TTN: variants seen among roughly 807,000 people sequenced by gnomAD.
TTN encodes the protein titin, also known as connectin.
In TTN, 1,525 loss-of-function variants were observed where a neutral mutation model predicts 3,223.0. The observed-to-expected ratio is 0.47, with a 90% CI of 0.45 to 0.49. TTN has a LOEUF of 0.49. TTN is among the 20% of genes least tolerant of loss of function. The pLI is 0.00. For synonymous variants in TTN, 14,094 were observed against 15,161.0 expected (o/e 0.93, Z 5.17); for missense variants, 40,786 against 43,424.0 (o/e 0.94, Z 5.40).
chr2:178,677,776 G>T lies in TTN; in HGVS notation c.34136C>A (p.Pro11379His). Residue 11379 changes from proline (P) to histidine (H), a missense_variant, in exon 146 of 363, where the codon CCT becomes CAT. Coordinates refer to ENST00000589042, the MANE Select transcript of TTN (RefSeq NM_001267550.2). Reference sequence around the variant, plus strand: ...TTCAGGTAGAACTTCCTCTTCTTCAGGTAGAACTTCCTCTTCCTCAGGTAG... The same window carrying T: ...TTCAGGTAGAACTTCCTCTTCTTCATGTAGAACTTCCTCTTCCTCAGGTAG... ...EVLPEEEEVL[P>H]EEEEVLPEEE... The T allele has an allele frequency of 6.2e-7, 1 of 1,612,558 alleles. No homozygotes were observed. The highest frequency in any genetic ancestry group is 2.2e-5 in the East Asian group (1 of 44,844).
chr2:178,684,012 T>C lies in TTN; in HGVS notation c.32793A>G (p.Glu10931=), dbSNP rs1483602431. 1 of 1,606,528 alleles carries C rather than the reference T, an allele frequency of 6.2e-7. No homozygotes were observed. Among genetic ancestry groups the C allele is most frequent in the Admixed American group, 1.7e-5 (1 of 59,030 alleles). Residue 10931 remains glutamate (E), a synonymous_variant, in exon 133 of 363, where the codon GAA becomes GAG. Transcript: ENST00000589042. ...GAGTCAGTATACCTTTAGCTGGTGG[T>C]TCCTCCTCTCTTTTAGGTTTGAGTT... The part of the protein sequence containing the change: ...VLKLKPKREE[E]PPAKVTEFRK...
At chr2:178,711,481 A>G (rs931353963) in intron 96 of TTN, 132 bp from the exon 97 acceptor site, 69 of 1,099,804 alleles carry the variant, frequency 6.3e-5, no homozygotes, top group Non-Finnish European at 7.6e-5. Flanking sequence ...TCTTGAATTA[A>G]CTTGGAGATA....
chr2:178,737,849 A>C, intron 49 of TTN: 1 of 448,312 alleles, frequency 2.2e-6, no homozygotes, highest in Admixed American at 3.9e-5. Flanking sequence ...TTGATTACTT[A>C]ACTTTGTTCT....
In TTN at chr2:178,728,334, G is replaced by C; in HGVS notation, c.19490C>G (p.Ser6497Cys). 4 of 1,611,588 alleles carry C rather than the reference G, an allele frequency of 2.5e-6. No individual in the cohort carries two copies. In the South Asian group the frequency reaches 3.3e-5, roughly 13 times the overall value. The stretch of plus-strand genomic sequence containing the variant: ...AGACACCTTGCACTCCATATGAATA[G>C]AAGAGCCCAGAACTTTATCCATTTT... ...LTKMDKVLGSSIHMECKVSGS... is the reference protein window; with the variant it reads ...LTKMDKVLGSCIHMECKVSGS... The change falls in exon 67 of 363, where the codon TCT becomes TGT. Residue 6497 changes from serine to cysteine, a missense_variant. Transcript: ENST00000589042.
intron 196 of TTN, 54 bp from the exon 197 acceptor site, chr2:178,653,561 A>G: frequency 2.6e-6 from 3 of 1,170,964 alleles, no homozygotes; most frequent in Non-Finnish European, 3.5e-6. Context: ...ATGGAGTAAA[A>G]TATTTCTAAG....
In TTN at chr2:178,629,371, C is replaced by A. The variant is rs757662563; in HGVS notation, c.44354G>T (p.Cys14785Phe). ...VTAGETATFD[C>F]ELSYEDIPVE... ...TGGGATATCTTCGTAGGAGAGCTCG[C>A]AGTCGAAGGTGGCTGTTTCCCCTGC... Residue 14785 changes from cysteine to phenylalanine, a missense_variant, in exon 240 of 363, where the codon TGC (cysteine) becomes TTC (phenylalanine). Coordinates refer to ENST00000589042, the MANE Select transcript of TTN (RefSeq NM_001267550.2). 1.2e-6 allele frequency: 2 copies of A among 1,612,984 alleles called. No homozygotes were observed. The highest frequency in any genetic ancestry group is 4.5e-5 in the East Asian group (2 of 44,654).
rs773951165 is a variant in TTN, at chr2:178,775,980, G to T, written c.5884C>A (p.Gln1962Lys). The change falls in exon 28 of 363, where the codon CAA becomes AAA. Residue 1962 changes from glutamine (Q) to lysine (K), a missense_variant. Transcript: ENST00000589042. ...GTGTCAACAGGTCTATCCACTTTTT[G>T]TACTTCAAACTGAAGCTTTCCTGGT... ...HEPGKLQFEV[Q>K]KVDRPVDTTE... 1.4e-5 allele frequency: 22 copies of T among 1,613,938 alleles called. No individual in the cohort carries two copies. The highest frequency in any genetic ancestry group is 1.9e-5 in the Non-Finnish European group (22 of 1,179,998).
rs931568272 is a variant in TTN, at chr2:178,650,040, T to C, written c.39817+124A>G. The C allele has an allele frequency of 1.0e-5, 13 of 1,300,296 alleles. No homozygotes were observed. In the African/African-American group the frequency reaches 1.7e-4, roughly 17 times the overall value. The allele number at this position is 1,300,296 out of a possible 1,614,324, so 80.5% of individuals were successfully genotyped here. Reference sequence around the variant, plus strand: ...AAGTTTTATGTGTAGAAATAACTTTTGTTCTTAATGTAGTCAGATTTCAGG... The same window carrying C: ...AAGTTTTATGTGTAGAAATAACTTTCGTTCTTAATGTAGTCAGATTTCAGG... On this transcript the variant is annotated intron_variant, in intron 210 of 362. Transcript: ENST00000589042.
intron 47 of TTN, chr2:178,750,773 G>A (rs773848149): frequency 3.1e-6 from 5 of 1,612,922 alleles, no homozygotes; most frequent in East Asian, 2.2e-5. Context: ...GGCATGTGGT[G>A]TAATAGCTTG....
At chr2:178,744,190 G>A (rs1469607134) in intron 47 of TTN, among the ~76,000 whole-genome samples, 1 of 151,820 alleles carries the variant, frequency 6.6e-6, no homozygotes, top group African/African-American at 2.4e-5. Flanking sequence ...CTAAATGCAG[G>A]TGACAAATGT....
chr2:178,572,478 T>G lies in TTN; in HGVS notation c.73654A>C (p.Lys24552Gln). The change falls in exon 326 of 363, where the codon AAG becomes CAG. Residue 24552 changes from lysine (K) to glutamine (Q), a missense_variant. Coordinates refer to ENST00000589042, the MANE Select transcript of TTN (RefSeq NM_001267550.2). The stretch of plus-strand genomic sequence containing the variant: ...TCCCGCTTTTCAACAATATAGTTCT[T>G]GATTTTTGAACCTCCATCAAGGAGA... ...PPLLDGGSKI[K>Q]NYIVEKREST... is the part of the protein sequence containing the mutation. The G allele has an allele frequency of 6.2e-7, 1 of 1,613,062 alleles. No homozygotes were observed. Among genetic ancestry groups the G allele is most frequent in the South Asian group, 1.1e-5 (1 of 91,024 alleles).
rs934616138 is a variant in TTN, at chr2:178,758,067, G to A, written c.10304-151C>T. Among the ~76,000 whole-genome samples, 6 of 152,092 alleles carry A rather than the reference G, an allele frequency of 3.9e-5. No homozygotes were observed. In the East Asian group the frequency reaches 7.7e-4, roughly 20 times the overall value. On this transcript the variant is annotated intron_variant, in intron 44 of 362. Coordinates refer to ENST00000589042, the MANE Select transcript of TTN (RefSeq NM_001267550.2). Reference sequence around the variant, plus strand: ...TGTCCTTGTATGTCACTATTGACTCGAAGTCACACAAGTTCACTTCCATTT... The same window carrying A: ...TGTCCTTGTATGTCACTATTGACTCAAAGTCACACAAGTTCACTTCCATTT...
rs766419568 is a variant in TTN at position 178,560,108 on chromosome 2, G to A, written c.86024C>T (p.Pro28675Leu). ...KTTITIAWVK[P>L]LFDGGAPITG... Reference sequence around the variant, plus strand: ...TATCGGGGCCCCACCATCAAACAGCGGCTTAACCCAGGCAATAGTTATAGT... The same window carrying A: ...TATCGGGGCCCCACCATCAAACAGCAGCTTAACCCAGGCAATAGTTATAGT... Residue 28675 changes from proline to leucine, a missense_variant, in exon 326 of 363, where the codon CCG becomes CTG. Pro to Leu is a moderately conservative substitution (Grantham distance 98, BLOSUM62 -3). Coordinates refer to ENST00000589042, the MANE Select transcript of TTN (RefSeq NM_001267550.2). The A allele has an allele frequency of 6.3e-5, 101 of 1,613,584 alleles. No homozygotes were observed. Among genetic ancestry groups the A allele is most frequent in the Non-Finnish European group, 8.5e-5 (100 of 1,179,746 alleles).
In TTN at chr2:178,740,400, G is replaced by C; in HGVS notation, c.12833C>G (p.Pro4278Arg). Residue 4278 changes from proline to arginine, a missense_variant, in exon 48 of 363, where the codon CCT (proline) becomes CGT (arginine). Coordinates refer to ENST00000589042, the MANE Select transcript of TTN (RefSeq NM_001267550.2). ...GTTTACCTGAGAGATCATGACATCA[G>C]GACTCTGGAGACTCTCCACGTGTCC... ...AEGHVESLQS[P>R]DVMISQVNYE... 1 of 1,613,170 alleles carries C rather than the reference G, an allele frequency of 6.2e-7. No individual in the cohort carries two copies. The highest frequency in any genetic ancestry group is 8.5e-7 in the Non-Finnish European group (1 of 1,179,500).
At chr2:178,544,871 A>G (rs753467454) in intron 344 of TTN, among the ~76,000 whole-genome samples, 1 of 152,128 alleles carries the variant, frequency 6.6e-6, no homozygotes, top group Non-Finnish European at 1.5e-5. Flanking sequence ...TACATTTCTA[A>G]TGAATACAAG....
rs376041680 is a variant in TTN, at chr2:178,573,008, G to A, written c.73124C>T (p.Pro24375Leu). ...CGAAGTTGCCTTGAGTCCTGCTGGT[G>A]GAGTGACAATCTGCCATTCATCTTC... ...PEEDEWQIVT[P>L]PAGLKATSYT... Residue 24375 changes from proline (P) to leucine (L), a missense_variant, in exon 326 of 363, where the codon CCA (proline) becomes CTA (leucine). Physicochemically the swap from Pro to Leu is moderately conservative, Grantham distance 98. Coordinates refer to ENST00000589042, the MANE Select transcript of TTN (RefSeq NM_001267550.2). 3.3e-5 allele frequency: 53 copies of A among 1,613,108 alleles called. No homozygotes were observed. The highest frequency in any genetic ancestry group is 4.2e-5 in the Non-Finnish European group (50 of 1,179,452).
At position 178,800,578 on chromosome 2, in the gene TTN, C is replaced by A; in HGVS notation, c.400G>T (p.Val134Leu). The A allele has an allele frequency of 6.2e-7, 1 of 1,614,112 alleles. No homozygotes were observed. The highest frequency in any genetic ancestry group is 8.5e-7 in the Non-Finnish European group (1 of 1,179,988). Residue 134 changes from valine to leucine, a missense_variant, in exon 4 of 363, where the codon GTG becomes TTG. Transcript: ENST00000589042. Reference sequence around the variant, plus strand: ...GCTCCATCCCGGTAGAACTTCACCACAGGTGTAGGGATTCCAGTCACTCTC... The same window carrying A: ...GCTCCATCCCGGTAGAACTTCACCAAAGGTGTAGGGATTCCAGTCACTCTC... ...QVRVTGIPTP[V>L]VKFYRDGAEI...
Position 178,575,081 on chromosome 2 carries a change from G to A in TTN, c.71051C>T (p.Thr23684Ile). The A allele has an allele frequency of 1.2e-6, 2 of 1,613,308 alleles. No individual in the cohort carries two copies. The highest frequency in any genetic ancestry group is 1.7e-6 in the Non-Finnish European group (2 of 1,179,596). ...ATTTAAAATGGTTGAAGTCGCTGTG[G>A]TTTCAAAATTAACTCTCTGTGTCTG... The part of the protein sequence containing the change: ...LKQTQRVNFE[T>I]TATSTILNIN... Residue 23684 changes from threonine to isoleucine, a missense_variant, in exon 326 of 363, where the codon ACC (threonine) becomes ATC (isoleucine). Transcript: ENST00000589042. This position sits in a 1 kb window ranked among gnomAD's most constrained non-coding sequence, Gnocchi z 4.0.
At position 178,635,208 on chromosome 2, in the gene TTN, G is replaced by A. The variant is rs1380914730; in HGVS notation, c.41981C>T (p.Pro13994Leu). Residue 13994 changes from proline (P) to leucine (L), a missense_variant, in exon 228 of 363, where the codon CCT (proline) becomes CTT (leucine). Physicochemically the swap from Pro to Leu is moderately conservative, Grantham distance 98. Coordinates refer to ENST00000589042, the MANE Select transcript of TTN (RefSeq NM_001267550.2). ...TTCTCCTTTCAGTTTCCATTGTCCA[G>A]GAATGTCTGCCTCTGAGATTTCTGC... is the stretch of plus-strand genomic sequence containing the variant. Reference protein sequence around the residue: ...FDAEISEADIPGQWKLKGELL... With the variant: ...FDAEISEADILGQWKLKGELL... 2 of 1,613,302 alleles carry A rather than the reference G, an allele frequency of 1.2e-6. No individual in the cohort carries two copies. The highest frequency in any genetic ancestry group is 1.1e-5 in the South Asian group (1 of 91,046).
Sources: allele counts gnomAD v4.1 joint callset (sites outside exome capture counted in the v4.1 genomes callset), GRCh38; gene constraint gnomAD v4.1.1; non-coding constraint Gnocchi (gnomAD v3.1); transcripts MANE v1.5; gene names NCBI Gene and HGNC (gene_info 2026-07-23, HGNC 2026-07-21).